Variants in NFKBID observed in about 807,000 individuals in gnomAD.
NFKBID encodes the protein NFKB inhibitor delta.
A neutral mutation model predicts 53.4 loss-of-function variants in NFKBID; 26 were observed. The ratio of observed to expected loss-of-function variants is 0.49; its 90% CI spans 0.36 to 0.68. NFKBID has a LOEUF of 0.68. Among genes scored for constraint, NFKBID ranks in the 30% least tolerant of loss-of-function variants. The pLI is 0.00. For missense variants in NFKBID, 493 were observed against 614.1 expected (o/e 0.80, Z 2.08); for synonymous variants, 262 against 259.8 (o/e 1.01, Z -0.08).
At chr19:35,898,171 A>G (rs1182700664) in intron 3 of NFKBID, among the ~76,000 whole-genome samples, 1 of 152,104 alleles carries the variant, frequency 6.6e-6, no homozygotes, top group Non-Finnish European at 1.5e-5. Flanking sequence ...CAACATAGCC[A>G]GACCCCGTTT....
chr19:35,901,913 A>G, upstream of NFKBID: 1 of 483,018 alleles, frequency 2.1e-6, no homozygotes, highest in Non-Finnish European at 3.7e-6. Flanking sequence ...CTCTTTCTCC[A>G]TTTCCCTGGC....
chr19:35,887,994 A>C (rs1389213900), downstream of NFKBID: 4 of 152,674 alleles, frequency 2.6e-5, no homozygotes, highest in Non-Finnish European at 4.4e-5. Flanking sequence ...AGTGATGCTC[A>C]GATTAGGGAG....
At chr19:35,897,978 T>A (rs6510512) in intron 3 of NFKBID, 122 bp from the exon 4 acceptor site, 21 of 655,410 alleles carry the variant, frequency 3.2e-5, no homozygotes, top group East Asian at 2.2e-4. Flanking sequence ...GACACCAAGC[T>A]CCCGGGACCT....
At chr19:35,888,328 C>T (rs1357497989) in exon 12 of NFKBID, 2 of 542,240 alleles carry the variant, frequency 3.7e-6, no homozygotes, top group East Asian at 3.2e-5. Context: ...CAAGGGGCCT[C>T]GATTTCACAG....
chr19:35,898,455 G>C lies in NFKBID; in HGVS notation c.226+17C>G. On this transcript the variant is annotated intron_variant, in intron 3 of 11. Transcript: ENST00000641389. ...TAGGGAAGGGGGATGGGGAGGCCGG[G>C]AGCTGAGAGAACTTACCAGTCACAG... is the stretch of plus-strand genomic sequence containing the variant. The C allele has an allele frequency of 6.6e-7, 1 of 1,517,962 alleles. No individual in the cohort carries two copies. Among genetic ancestry groups the C allele is most frequent in the South Asian group, 1.2e-5 (1 of 83,666 alleles). 94.0% of individuals were successfully genotyped at this position (1,517,962 alleles called of 1,614,324 possible). A position where few individuals can be genotyped will look rare whatever the true frequency, so the allele number is the denominator to read the frequency against.
rs1481554356 is a variant in NFKBID, at chr19:35,898,834, A to C, written c.62-12T>G. On this transcript the variant is annotated splice_polypyrimidine_tract_variant and intron_variant, in intron 1 of 11. Coordinates refer to ENST00000641389, the Ensembl canonical transcript of NFKBID. ...CTCACCCCTGCTCACTGTGCGGGAG[A>C]GGAGAGGGGGAAGTCATCAAGGGTC... 2 of 1,532,584 alleles carry C rather than the reference A, an allele frequency of 1.3e-6. No homozygotes were observed. The highest frequency in any genetic ancestry group is 3.9e-5 in the Admixed American group (2 of 50,880). 94.9% of individuals were successfully genotyped at this position (1,532,584 alleles called of 1,614,324 possible).
chr19:35,893,426 C>G (rs763233984), intron 9 of NFKBID, among the ~76,000 whole-genome samples: 2 of 152,150 alleles, frequency 1.3e-5, no homozygotes, highest in African/African-American at 2.4e-5. Flanking sequence ...TTCTTACAGT[C>G]CATCCCCACC....
At position 35,896,724 on chromosome 19, in the gene NFKBID, A is replaced by C; in HGVS notation, c.684+2T>G. The C allele has an allele frequency of 6.2e-7, 1 of 1,611,432 alleles. No homozygotes were observed. The highest frequency in any genetic ancestry group is 8.5e-7 in the Non-Finnish European group (1 of 1,179,218). On this transcript the variant is annotated splice_donor_variant, in intron 6 of 11. Transcript: ENST00000641389. LOFTEE classifies it high-confidence loss of function. The surrounding 1 kb of genome is among the most constrained non-coding windows in gnomAD (Gnocchi z 5.7). ...CAGGAGAGTTCAGGCCCCAAGCCTC[A>C]CCTTGCCCTTATGCTCACGAATGTC...
chr19:35,893,392 G>A (rs1974913469), intron 9 of NFKBID, among the ~76,000 whole-genome samples: 2 of 152,176 alleles, frequency 1.3e-5, no homozygotes, highest in African/African-American at 4.8e-5. Flanking sequence ...GCCTTATCTT[G>A]TCTCTACTCA....
Position 35,889,879 on chromosome 19 carries a change from T to C in NFKBID, c.1314+11A>G. 6.3e-7 allele frequency: 1 copy of C among 1,599,850 alleles called. No individual in the cohort carries two copies. The highest frequency in any genetic ancestry group is 8.5e-7 in the Non-Finnish European group (1 of 1,170,690). ...GAGGCCACTCTACAGGCAGGCTCAG[T>C]GCTTACTTACCCCCTCAGGGCCCGG... On this transcript the variant is annotated intron_variant, in intron 11 of 11. Coordinates refer to ENST00000641389, the Ensembl canonical transcript of NFKBID.
chr19:35,899,013 C>T (rs1285934189), intron 1 of NFKBID, among the ~76,000 whole-genome samples, 191 bp from the exon 2 acceptor site: 1 of 152,176 alleles, frequency 6.6e-6, no homozygotes, highest in Non-Finnish European at 1.5e-5. Context: ...TCCGCCGTTT[C>T]CTTCCTTTTG....
chr19:35,889,377 A>G (rs1599594954), intron 11 of NFKBID, among the ~76,000 whole-genome samples: 1 of 152,172 alleles, frequency 6.6e-6, no homozygotes, highest in East Asian at 1.9e-4. Context: ...ATAAACAAAC[A>G]AACAAATAAA....
At chr19:35,890,550 G>A (rs1421030816) in intron 9 of NFKBID, 60 bp from the exon 10 acceptor site, 2 of 1,120,246 alleles carry the variant, frequency 1.8e-6, no homozygotes, top group South Asian at 2.5e-5. Context: ...CCCTCCCACA[G>A]AATCCAGGAG....
At chr19:35,898,927 C>G in intron 1 of NFKBID, 105 bp from the exon 2 acceptor site, 2 of 807,694 alleles carry the variant, frequency 2.5e-6, no homozygotes, top group Non-Finnish European at 3.9e-6. Flanking sequence ...CTCGCCCTCC[C>G]GCGCGGAAAA....
chr19:35,898,793 T>C, exon 2 of NFKBID: 1 of 1,536,074 alleles, frequency 6.5e-7, no homozygotes, highest in East Asian at 2.4e-5. Flanking sequence ...ACGGTTTGCG[T>C]TGGGCAGTGG....
rs527382217 is a variant in NFKBID, at chr19:35,896,329, A to C, written c.832-60T>G. 6.2e-7 allele frequency: 1 copy of C among 1,613,888 alleles called. No individual in the cohort carries two copies. The highest frequency in any genetic ancestry group is 1.7e-5 in the Admixed American group (1 of 59,994). ...GTATCCCCTGGCCTCCTGGCCCTGGAAGCCAAAATCTGGGCAACCAGTCTA... is the reference window on the plus strand; with the variant it reads ...GTATCCCCTGGCCTCCTGGCCCTGGCAGCCAAAATCTGGGCAACCAGTCTA... On this transcript the variant is annotated intron_variant, in intron 7 of 11. Transcript: ENST00000641389. This position sits in a 1 kb window ranked among gnomAD's most constrained non-coding sequence, Gnocchi z 5.7.
intron 4 of NFKBID, among the ~76,000 whole-genome samples, chr19:35,897,259 A>AT (rs112741424): frequency 0.041 from 6,007 of 146,346 alleles, 335 homozygotes; most frequent in African/African-American, 0.13. Flanking sequence ...GGAAAAGGGT[A>AT]TTTTTTTTTT....
Position 35,890,963 on chromosome 19 carries a change from G to A in NFKBID, c.1033-473C>T, listed in dbSNP as rs139832132. On this transcript the variant is annotated intron_variant, in intron 9 of 11. Transcript: ENST00000641389. Reference sequence around the variant, plus strand: ...TGTCTTGTGCACCGCACAACACCACGTCTCAGGGTGTACCATTCACACCAT... The same window carrying A: ...TGTCTTGTGCACCGCACAACACCACATCTCAGGGTGTACCATTCACACCAT... Among the ~76,000 whole-genome samples the A allele has an allele frequency of 7.2e-3, 1,100 of 151,990 alleles. 10 individuals are homozygous for A. The highest frequency in any genetic ancestry group is 0.01 in the Middle Eastern group (3 of 294).
At position 35,896,450 on chromosome 19, in the gene NFKBID, T is replaced by C; in HGVS notation, c.773A>G (p.His258Arg). The change falls in exon 7 of 12, where the codon CAT (histidine) becomes CGT (arginine). Residue 258 changes from histidine (H) to arginine (R), a missense_variant. His to Arg is a conservative substitution (Grantham distance 29). Transcript: ENST00000641389. This position sits in a 1 kb window ranked among gnomAD's most constrained non-coding sequence, Gnocchi z 5.7. ...CACGTGCAAGACCGAACGTCCCTGATGGTCAGCGGCATTGGGCTCTGCTCC... is the reference window on the plus strand; with the variant it reads ...CACGTGCAAGACCGAACGTCCCTGACGGTCAGCGGCATTGGGCTCTGCTCC... 1 of 1,614,110 alleles carries C rather than the reference T, an allele frequency of 6.2e-7. No homozygotes were observed. The highest frequency in any genetic ancestry group is 8.5e-7 in the Non-Finnish European group (1 of 1,180,004).
Sources: gnomAD v4.1 joint callset for allele counts (sites outside exome capture counted in the v4.1 genomes callset) on GRCh38, gnomAD v4.1.1 for gene constraint, Gnocchi (gnomAD v3.1) non-coding constraint, MANE v1.5 for transcripts, NCBI Gene and HGNC (gene_info 2026-07-23, HGNC 2026-07-21) for gene names.